The following SMARCA4 variants were observed in gnomAD, a reference collection of about 807,000 sequenced individuals.
SMARCA4 encodes SWI/SNF related BAF chromatin remodeling complex subunit ATPase 4, also known as SWI/SNF-related matrix-associated actin-dependent regulator of chromatin subfamily A member 4.
A neutral mutation model predicts 193.9 loss-of-function variants in SMARCA4; 31 were observed. That is an observed-to-expected ratio of 0.16 (90% CI 0.12 to 0.22). The LOEUF is 0.22. Among genes scored for constraint, SMARCA4 ranks in the 10% least tolerant of loss-of-function variants. The pLI, the probability that SMARCA4 is intolerant of heterozygous loss-of-function variation, is 1.00. For missense variants in SMARCA4, 1,148 were observed against 2,296.0 expected, an observed-to-expected ratio of 0.50 and a Z score of 10.22; for synonymous variants, 942 against 933.1, an observed-to-expected ratio of 1.01 and a Z score of -0.17.
At chr19:11,046,946 T>TGC (rs2075960929) in intron 30 of SMARCA4, among the ~76,000 whole-genome samples, 1 of 98,202 alleles carries the variant, frequency 1.0e-5, no homozygotes, top group African/African-American at 4.1e-5. Flanking sequence ...GAGACCCTGT[T>TGC]GCAAAAAAAA....
At chr19:10,981,811 C>T (rs904459991) in intron 1 of SMARCA4, among the ~76,000 whole-genome samples, 1 of 151,538 alleles carries the variant, frequency 6.6e-6, no homozygotes, top group East Asian at 2.0e-4. Flanking sequence ...TAGAGAGACC[C>T]CTGTCTCTAC....
intron 11 of SMARCA4, among the ~76,000 whole-genome samples, chr19:10,997,113 G>A (rs1336556794): frequency 1.3e-5 from 2 of 151,962 alleles, no homozygotes; most frequent in African/African-American, 4.8e-5. Flanking sequence ...TCCGCCCCGC[G>A]AGTTCAATCA....
intron 1 of SMARCA4, among the ~76,000 whole-genome samples, chr19:10,974,968 G>A (rs1049147261): frequency 6.7e-6 from 1 of 149,064 alleles, no homozygotes; most frequent in African/African-American, 2.5e-5. Context: ...ACAGTGCTGG[G>A]ATTACAGCTG....
Position 11,041,261 on chromosome 19 carries a change from C to T in SMARCA4, c.4171-46C>T, listed in dbSNP as rs769206603. 12 of 1,568,614 alleles carry T rather than the reference C, an allele frequency of 7.7e-6. No homozygotes were observed. Among genetic ancestry groups the T allele is most frequent in the Non-Finnish European group, 9.5e-6 (11 of 1,156,766 alleles). On this transcript the variant is annotated intron_variant, in intron 29 of 34. Coordinates refer to ENST00000344626, the MANE Select transcript of SMARCA4 (RefSeq NM_003072.5). The surrounding 1 kb of genome is among the most constrained non-coding windows in gnomAD (Gnocchi z 5.6). ...GGATTGCGTCGCGGCCTCTGCTTGTCGACCTGGGTGCTGGCTGTCCTATTT... is the reference window on the plus strand; with the variant it reads ...GGATTGCGTCGCGGCCTCTGCTTGTTGACCTGGGTGCTGGCTGTCCTATTT...
intron 30 of SMARCA4, among the ~76,000 whole-genome samples, chr19:11,043,713 C>T (rs2075745908): frequency 6.6e-6 from 1 of 152,168 alleles, no homozygotes; most frequent in South Asian, 2.1e-4. Context: ...TATAGTGGCT[C>T]GTGTAATCCC....
At chr19:10,978,025 T>C (rs2085279916) in intron 1 of SMARCA4, among the ~76,000 whole-genome samples, 1 of 152,202 alleles carries the variant, frequency 6.6e-6, no homozygotes. Context: ...CTGTAGTCCC[T>C]GTGTGGTGGT....
intron 7 of SMARCA4, 37 bp downstream of exon 7, chr19:10,989,480 C>G (rs1568430922): frequency 6.2e-7 from 1 of 1,610,786 alleles, no homozygotes; most frequent in Non-Finnish European, 8.5e-7. Flanking sequence ...CCGAAAAGGG[C>G]CTTTGTCACC....
At chr19:10,981,230 C>T (rs1329496920) in intron 1 of SMARCA4, among the ~76,000 whole-genome samples, 1 of 152,116 alleles carries the variant, frequency 6.6e-6, no homozygotes, top group Non-Finnish European at 1.5e-5. Context: ...GAGGGGAGCG[C>T]CAAGGAGCCA....
intron 30 of SMARCA4, among the ~76,000 whole-genome samples, chr19:11,057,689 A>C (rs750047866): frequency 2.0e-5 from 3 of 151,940 alleles, no homozygotes; most frequent in Non-Finnish European, 4.4e-5. Flanking sequence ...AGATCATTCC[A>C]TTGCGCTCCA....
In SMARCA4 at chr19:10,975,978, C is replaced by T. The variant is rs113200226; in HGVS notation, c.-31-8143C>T. 5.5e-3 allele frequency among the ~76,000 whole-genome samples: 836 copies of T among 152,282 alleles called. 14 individuals carry two copies. The highest frequency in any genetic ancestry group is 0.017 in the African/African-American group (719 of 41,568). On this transcript the variant is annotated intron_variant, in intron 1 of 34. Coordinates refer to ENST00000344626, the MANE Select transcript of SMARCA4 (RefSeq NM_003072.5). ...TGCCCTTTTGGCCCCTGAATCCCCT[C>T]ATCCTTTGCTTTTTCCACCTGAGTA...
At chr19:11,057,829 A>G (rs556835325) in intron 30 of SMARCA4, among the ~76,000 whole-genome samples, 1 of 152,230 alleles carries the variant, frequency 6.6e-6, no homozygotes, top group African/African-American at 2.4e-5. Flanking sequence ...CAGGCCAGGC[A>G]TGGTGGCTCA....
intron 1 of SMARCA4, among the ~76,000 whole-genome samples, chr19:10,970,008 A>G (rs1347196489): frequency 2.6e-5 from 4 of 152,174 alleles, no homozygotes; most frequent in African/African-American, 4.8e-5. Context: ...GATATGGAAT[A>G]TATTTGGTCT....
At chr19:11,010,672 C>T (rs1568467555) in intron 15 of SMARCA4, 141 bp downstream of exon 15, 10 of 821,104 alleles carry the variant, frequency 1.2e-5, no homozygotes, top group South Asian at 2.8e-5. Flanking sequence ...CTCTGAGCCT[C>T]GGTTTCCCCA....
intron 16 of SMARCA4, 97 bp downstream of exon 16, chr19:11,013,209 C>A: frequency 7.2e-7 from 1 of 1,384,222 alleles, no homozygotes. Context: ...AACGAGGTGG[C>A]TTAATTACAG....
intron 24 of SMARCA4, among the ~76,000 whole-genome samples, chr19:11,029,178 G>T (rs531138686): frequency 6.6e-6 from 1 of 152,266 alleles, no homozygotes; most frequent in East Asian, 1.9e-4. Flanking sequence ...ATCCTTCAGG[G>T]TCCTCATGGC....
chr19:10,963,321 C>T (rs1489321446), intron 1 of SMARCA4, among the ~76,000 whole-genome samples: 1 of 141,344 alleles, frequency 7.1e-6, no homozygotes, highest in East Asian at 2.1e-4. Context: ...TGCAGTGAGC[C>T]ATTCTTGTGC....
rs1313522865 is a variant in SMARCA4 at position 11,034,197 on chromosome 19, C to T, written c.3948C>T (p.Phe1316=). 6.2e-7 allele frequency: 1 copy of T among 1,612,996 alleles called. No individual in the cohort carries two copies. Among genetic ancestry groups the T allele is most frequent in the Non-Finnish European group, 8.5e-7 (1 of 1,179,202 alleles). ...IARHEEEFDL[F]MRMDLDRRRE... ...GGCACGAGGAGGAGTTTGATCTGTT[C>T]ATGGTAAGCGCTGCAGGCTGGATGG... Residue 1316 remains phenylalanine, a synonymous_variant, in exon 28 of 35, where the codon TTC becomes TTT. Coordinates refer to ENST00000344626, the MANE Select transcript of SMARCA4 (RefSeq NM_003072.5). The surrounding 1 kb of genome is among the most constrained non-coding windows in gnomAD (Gnocchi z 7.0).
At chr19:11,053,849 T>G (rs2076395306) in intron 30 of SMARCA4, among the ~76,000 whole-genome samples, 1 of 152,062 alleles carries the variant, frequency 6.6e-6, no homozygotes, top group Non-Finnish European at 1.5e-5. Flanking sequence ...AGTTGGAGGC[T>G]TCAGTGAGCT....
In SMARCA4 at chr19:10,994,813, T is replaced by C. The variant is rs747727691; in HGVS notation, c.1420-15T>C. 1 of 1,613,264 alleles carries C rather than the reference T, an allele frequency of 6.2e-7. No individual in the cohort carries two copies. Among genetic ancestry groups the C allele is most frequent in the South Asian group, 1.1e-5 (1 of 91,050 alleles). On this transcript the variant is annotated splice_polypyrimidine_tract_variant and intron_variant, in intron 8 of 34. Coordinates refer to ENST00000344626, the MANE Select transcript of SMARCA4 (RefSeq NM_003072.5). ...CTGCTGAAGGGTCAGCCTTCTCTTTTGTGCTTTCCTGCAGGAATACCTCAA... is the reference window on the plus strand; with the variant it reads ...CTGCTGAAGGGTCAGCCTTCTCTTTCGTGCTTTCCTGCAGGAATACCTCAA...
Sources: allele counts gnomAD v4.1 joint callset (sites outside exome capture counted in the v4.1 genomes callset), GRCh38; gene constraint gnomAD v4.1.1; non-coding constraint Gnocchi (gnomAD v3.1); transcripts MANE v1.5; gene names NCBI Gene and HGNC (gene_info 2026-07-23, HGNC 2026-07-21).